Variants in PRDM4 observed in about 807,000 individuals in gnomAD.
PRDM4 encodes the protein PR/SET domain 4.
PRDM4 carries 38 observed loss-of-function variants against 62.3 expected under a neutral mutation model. The ratio of observed to expected loss-of-function variants is 0.61; its 90% confidence interval spans 0.47 to 0.80. PRDM4 has a LOEUF of 0.80. PRDM4 is among the 30% of genes least tolerant of loss of function. The pLI, the probability that PRDM4 is intolerant of heterozygous loss-of-function variation, is 0.00. For synonymous variants in PRDM4, 339 were observed against 348.2 expected, an observed-to-expected ratio of 0.97 and a Z score of 0.30; for missense variants, 858 against 997.1, an observed-to-expected ratio of 0.86 and a Z score of 1.88.
rs779723126 is a variant in PRDM4 at position 107,741,112 on chromosome 12, T to C, written c.1758A>G (p.Lys586=). The C allele has an allele frequency of 3.1e-6, 5 of 1,614,036 alleles. No homozygotes were observed. The highest frequency in any genetic ancestry group is 4.2e-6 in the Non-Finnish European group (5 of 1,180,038). The change falls in exon 10 of 12, where the codon AAA becomes AAG. Residue 586 remains lysine, a synonymous_variant. Coordinates refer to ENST00000228437, the MANE Select transcript of PRDM4 (RefSeq NM_012406.4). ...ACATTGAGCACTTCCACTTCCTTTC[T>C]TTGCTGTGACTTGGCCCATGGCTGC... is the stretch of plus-strand genomic sequence containing the variant. The part of the protein sequence containing the change: ...HSGSHGPSHS[K]ERKWKCSMCP...
Position 107,751,813 on chromosome 12 carries a change from T to C in PRDM4, c.728A>G (p.Asn243Ser), listed in dbSNP as rs201308835. The C allele has an allele frequency of 7.4e-6, 12 of 1,614,198 alleles. No individual in the cohort carries two copies. In the East Asian group the frequency reaches 2.0e-4, roughly 27 times the overall value. ...EPLSVDSVSN[N>S]LAADAVGHGG... is the part of the protein sequence containing the mutation. ...ATGTCCTACAGCGTCTGCTGCAAGG[T>C]TGTTGCTCACAGAATCCACAGACAG... Residue 243 changes from asparagine (N) to serine (S), a missense_variant, in exon 5 of 12, where the codon AAC becomes AGC. This residue lies in a region of PRDM4 where 499 missense variants were observed against 546.7 expected (regional missense o/e 0.91). Coordinates refer to ENST00000228437, the MANE Select transcript of PRDM4 (RefSeq NM_012406.4).
In PRDM4 at chr12:107,742,227, G is replaced by C; in HGVS notation, c.1603C>G (p.Gln535Glu). 6.2e-7 allele frequency: 1 copy of C among 1,612,884 alleles called. No homozygotes were observed. Among genetic ancestry groups the C allele is most frequent in the South Asian group, 1.1e-5 (1 of 91,038 alleles). ...LFYYSRDYAQ[Q>E]IGVPEHPDVH... ...TAAACACATATTAACTTACCAATCT[G>C]TTGAGCATAATCTCGGCTATAATAA... is the stretch of plus-strand genomic sequence containing the variant. The change falls in exon 9 of 12, where the codon CAG (glutamine) becomes GAG (glutamate). Residue 535 changes from glutamine (Q) to glutamate (E), a missense_variant. Gln to Glu is a conservative substitution (Grantham distance 29). Transcript: ENST00000228437.
chr12:107,760,517 G>A lies in PRDM4; in HGVS notation c.-2C>T, dbSNP rs567456271. 6 of 1,613,440 alleles carry A rather than the reference G, an allele frequency of 3.7e-6. No homozygotes were observed. The South Asian group carries it at 6.6e-5, about 18-fold the overall frequency. On this transcript the variant is annotated 5_prime_UTR_variant, in exon 2 of 12. Coordinates refer to ENST00000228437, the MANE Select transcript of PRDM4 (RefSeq NM_012406.4). ...CCTCCCTACTCACCTGTGATGCATC[G>A]GCTTGGGGCCAAATATCAGAGAAAG... is the stretch of plus-strand genomic sequence containing the variant.
chr12:107,745,107 G>GGTGA (rs1890652102), intron 6 of PRDM4, among the ~76,000 whole-genome samples: 2 of 106,262 alleles, frequency 1.9e-5, no homozygotes, highest in South Asian at 7.7e-4. Context: ...ATTCCTCAGA[G>GGTGA]GTGACTAAGC....
intron 5 of PRDM4, among the ~76,000 whole-genome samples, chr12:107,750,327 C>T (rs914286966): frequency 6.6e-6 from 1 of 152,090 alleles, no homozygotes; most frequent in Non-Finnish European, 1.5e-5. Context: ...AGGAAGATTG[C>T]TTGAGTCGAG....
intron 2 of PRDM4, among the ~76,000 whole-genome samples, chr12:107,758,641 G>T (rs77431186): frequency 6.6e-6 from 1 of 152,050 alleles, no homozygotes; most frequent in East Asian, 1.9e-4. Flanking sequence ...TACAATAAAA[G>T]AACTATATTG....
At position 107,760,550 on chromosome 12, in the gene PRDM4, CG is replaced by C; in HGVS notation, c.-36del. The C allele has an allele frequency of 6.2e-7, 1 of 1,612,016 alleles. No homozygotes were observed. Among genetic ancestry groups the C allele is most frequent in the Non-Finnish European group, 8.5e-7 (1 of 1,179,030 alleles). ...GCCAAATATCAGAGAAAGGAGCGCT[CG>C]GGTGGTGGGGAACAGGCATCAGGGT... On this transcript the variant is annotated 5_prime_UTR_variant, in exon 2 of 12. Transcript: ENST00000228437.
intron 2 of PRDM4, among the ~76,000 whole-genome samples, chr12:107,757,169 T>G (rs779201578): frequency 1.3e-4 from 20 of 152,340 alleles, no homozygotes; most frequent in African/African-American, 4.6e-4. Flanking sequence ...CATTAAAAAC[T>G]CAATTCAATG....
Position 107,751,425 on chromosome 12 carries a change from C to G in PRDM4, c.1116G>C (p.Leu372Phe), listed in dbSNP as rs761666887. 6.2e-7 allele frequency: 1 copy of G among 1,601,752 alleles called. No individual in the cohort carries two copies. Among genetic ancestry groups the G allele is most frequent in the Admixed American group, 1.7e-5 (1 of 59,812 alleles). ...SNSNKENMAT[L>F]FTIWCTLCDR... ...GCTAAACACACTCACAAATTGTAAA[C>G]AAGGTTGCCATGTTCTCCTTGTTTG... The change falls in exon 5 of 12, where the codon TTG (leucine) becomes TTC (phenylalanine). Residue 372 changes from leucine to phenylalanine, a missense_variant. Transcript: ENST00000228437.
chr12:107,749,615 T>G (rs1890827463), intron 5 of PRDM4, among the ~76,000 whole-genome samples: 1 of 152,086 alleles, frequency 6.6e-6, no homozygotes, highest in Non-Finnish European at 1.5e-5. Context: ...TCCTCCAACT[T>G]TATCCAATCG....
intron 4 of PRDM4, 102 bp downstream of exon 4, chr12:107,753,822 T>C (rs988266051): frequency 9.8e-6 from 11 of 1,120,616 alleles, no homozygotes; most frequent in Non-Finnish European, 1.1e-5. Context: ...TAATATCTAA[T>C]AGTGACAAAC....
In PRDM4 at chr12:107,741,236, T is replaced by C; in HGVS notation, c.1634A>G (p.His545Arg). ...QIGVPEHPDV[H>R]LCNCGKECNS... ...GCACTCCTTGCCACAGTTACAGAGA[T>C]GCACATCTGGGTGTTCAGGAACACC... is the stretch of plus-strand genomic sequence containing the variant. Residue 545 changes from histidine to arginine, a missense_variant, in exon 10 of 12, where the codon CAT becomes CGT. By Grantham distance (29) the His-to-Arg change is conservative (BLOSUM62 0). Around this residue, in one of 3 missense-constraint regions of PRDM4, gnomAD observed 355 missense variants for 432.6 expected, o/e 0.82. Coordinates refer to ENST00000228437, the MANE Select transcript of PRDM4 (RefSeq NM_012406.4). The C allele has an allele frequency of 6.2e-7, 1 of 1,612,666 alleles. No homozygotes were observed. The highest frequency in any genetic ancestry group is 8.5e-7 in the Non-Finnish European group (1 of 1,178,726).
intron 2 of PRDM4, among the ~76,000 whole-genome samples, chr12:107,758,927 G>A (rs1245662585): frequency 6.6e-6 from 1 of 152,114 alleles, no homozygotes; most frequent in East Asian, 1.9e-4. Context: ...TGGCAAATGA[G>A]GTACACCTTA....
At chr12:107,743,112 T>C (rs1321981675) in intron 8 of PRDM4, 85 bp downstream of exon 8, 31 of 1,161,310 alleles carry the variant, frequency 2.7e-5, no homozygotes, top group Non-Finnish European at 3.3e-5. Context: ...ATTTGGATTC[T>C]TAACTCTTTC....
At position 107,754,081 on chromosome 12, in the gene PRDM4, A is replaced by T. The variant is rs755127202; in HGVS notation, c.174T>A (p.Gly58=). Residue 58 remains glycine (G), a synonymous_variant, in exon 4 of 12, where the codon GGT becomes GGA. Transcript: ENST00000228437. ...CAGAAGGCAGAGAGCTCAGGGAGGG[A>T]CCCAGGTTTGGAATTGCCACTGGGA... ...PGLPVAIPNL[G]PSLSSLPSAL... 28 of 1,607,468 alleles carry T rather than the reference A, an allele frequency of 1.7e-5. No individual in the cohort carries two copies.
chr12:107,751,551 GGA>G lies in PRDM4; in HGVS notation c.988_989del (p.Ser330LeufsTer51). 6.2e-7 allele frequency: 1 copy of G among 1,612,698 alleles called. No individual in the cohort carries two copies. ...CCATAGCAACCTCCTGGGTGATGGA[GGA>G]GACAGCCACAGGTTCTAGGCTGAGG... is the stretch of plus-strand genomic sequence containing the variant. ...VGLSLEPVAV[S>X]SITQEVAMGT... On this transcript the variant is annotated frameshift_variant, in exon 5 of 12. Transcript: ENST00000228437. LOFTEE classifies it high-confidence loss of function.
At position 107,738,643 on chromosome 12, in the gene PRDM4, A is replaced by G. The variant is rs140062738; in HGVS notation, c.2093+740T>C. On this transcript the variant is annotated intron_variant, in intron 11 of 11. Coordinates refer to ENST00000228437, the MANE Select transcript of PRDM4 (RefSeq NM_012406.4). ...TAGACATTTAATTACACTTGGATTCATGCAATAAATACCTAATTGGTCTTC... is the reference window on the plus strand; with the variant it reads ...TAGACATTTAATTACACTTGGATTCGTGCAATAAATACCTAATTGGTCTTC... Among the ~76,000 whole-genome samples the G allele has an allele frequency of 2.6e-3, 393 of 152,314 alleles. 3 individuals carry two copies. The highest frequency in any genetic ancestry group is 0.017 in the East Asian group (88 of 5,188).
chr12:107,756,959 A>T lies in PRDM4; in HGVS notation c.18T>A (p.Asn6Lys), dbSNP rs2136334814. MHHRM[N>K]EMNLSPVGME... ...TCCCCACTGGACTCAGGTTCATTTC[A>T]TTCATCCTAGAAAAGAGCACACACA... The change falls in exon 3 of 12, where the codon AAT (asparagine) becomes AAA (lysine). Residue 6 changes from asparagine (N) to lysine (K), a missense_variant. Around this residue, in one of 3 missense-constraint regions of PRDM4, gnomAD observed 499 missense variants for 546.7 expected, o/e 0.91. Transcript: ENST00000228437. 6.2e-7 allele frequency: 1 copy of T among 1,614,078 alleles called. No individual in the cohort carries two copies. The highest frequency in any genetic ancestry group is 2.2e-5 in the East Asian group (1 of 44,886).
chr12:107,748,804 C>G (rs796455736), intron 5 of PRDM4, among the ~76,000 whole-genome samples: 18 of 152,176 alleles, frequency 1.2e-4, no homozygotes, highest in African/African-American at 3.9e-4. Flanking sequence ...CTAAATTGCA[C>G]GTTTAAAATG....
Sources: allele counts gnomAD v4.1 joint callset (sites outside exome capture counted in the v4.1 genomes callset), GRCh38; gene constraint gnomAD v4.1.1; regional missense constraint gnomAD v4.1.1; transcripts MANE v1.5; gene names NCBI Gene and HGNC (gene_info 2026-07-23, HGNC 2026-07-21).